Variants in PCDHA1 observed in about 807,000 individuals in gnomAD.
The protein encoded by PCDHA1 is protocadherin alpha-1.
A neutral mutation model predicts 61.3 loss-of-function variants in PCDHA1; 42 were observed. That is an observed-to-expected ratio of 0.69 (90% CI 0.54 to 0.89). The LOEUF (loss-of-function observed/expected upper bound fraction) is 0.89, where lower values mean the gene tolerates loss of function less well. PCDHA1 is among the 40% of genes least tolerant of loss of function. PCDHA1 has a pLI of 0.00. For synonymous variants in PCDHA1, 610 were observed against 553.8 expected, an observed-to-expected ratio of 1.10 and a Z score of -1.43; for missense variants, 1,256 against 1,235.3, an observed-to-expected ratio of 1.02 and a Z score of -0.25.
intron 1 of PCDHA1, chr5:140,850,565 G>A (rs2041680380): frequency 1.3e-6 from 2 of 1,598,414 alleles, no homozygotes; most frequent in East Asian, 4.5e-5. Flanking sequence ...CGGGCCCCGA[G>A]GTGACGCTGG....
At chr5:140,896,089 G>GGATTA (rs2065370419) in intron 1 of PCDHA1, among the ~76,000 whole-genome samples, 1 of 152,010 alleles carries the variant, frequency 6.6e-6, no homozygotes, top group Non-Finnish European at 1.5e-5. Flanking sequence ...GGGATTACAG[G>GGATTA]CGTGAGCCAC....
At position 141,009,757 on chromosome 5, in the gene PCDHA1, A is replaced by G; in HGVS notation, c.2673A>G (p.Pro891=). 6.2e-7 allele frequency: 1 copy of G among 1,614,200 alleles called. No individual in the cohort carries two copies. Among genetic ancestry groups the G allele is most frequent in the Non-Finnish European group, 8.5e-7 (1 of 1,180,036 alleles). Residue 891 remains proline (P), a synonymous_variant, in exon 4 of 4, where the codon CCA becomes CCG. Coordinates refer to ENST00000504120, the MANE Select transcript of PCDHA1 (RefSeq NM_018900.4). ...AGTTGCCCGACAAATTCATTATCCCAGGATCTCCTGCAATCATCTCCATCC... is the reference window on the plus strand; with the variant it reads ...AGTTGCCCGACAAATTCATTATCCCGGGATCTCCTGCAATCATCTCCATCC... ...PGELPDKFII[P]GSPAIISIRQ... is the part of the protein sequence containing the mutation.
intron 3 of PCDHA1, among the ~76,000 whole-genome samples, chr5:141,007,768 A>C (rs1457934171): frequency 2.0e-5 from 3 of 152,212 alleles, no homozygotes; most frequent in Non-Finnish European, 2.9e-5. Context: ...ATTGGCCTGG[A>C]AATGGTACTG....
chr5:140,860,136 T>C (rs2150487566), intron 1 of PCDHA1: 1 of 150,532 alleles, frequency 6.6e-6, no homozygotes, highest in East Asian at 2.0e-4. Context: ...TGTGTGTGTA[T>C]ATATATGTAT....
intron 3 of PCDHA1, among the ~76,000 whole-genome samples, chr5:140,993,460 T>TCA (rs1554253699): frequency 1.6e-3 from 169 of 104,560 alleles, no homozygotes; most frequent in African/African-American, 3.8e-3. Flanking sequence ...CTTCTTTCTT[T>TCA]CTCACACACA....
chr5:140,858,371 C>G, intron 1 of PCDHA1: 1 of 1,588,766 alleles, frequency 6.3e-7, no homozygotes, highest in Non-Finnish European at 8.6e-7. Context: ...CCCCAGCCTT[C>G]CACCATGCCC....
intron 1 of PCDHA1, chr5:140,863,708 A>G: frequency 3.5e-6 from 1 of 284,690 alleles, no homozygotes; most frequent in Non-Finnish European, 6.9e-6. Flanking sequence ...TTTAAAGTAC[A>G]CTGGGGCCGG....
chr5:141,006,568 T>C (rs2098278532), intron 3 of PCDHA1, among the ~76,000 whole-genome samples: 1 of 152,110 alleles, frequency 6.6e-6, no homozygotes, highest in Non-Finnish European at 1.5e-5. Flanking sequence ...CTCTGGCTAC[T>C]GTGTGGAGGG....
At chr5:140,810,794 C>T (rs547494894) in intron 1 of PCDHA1, 1 of 152,032 alleles carries the variant, frequency 6.6e-6, no homozygotes, top group Admixed American at 6.5e-5. Context: ...AACCTCATGG[C>T]TAGTTTTTAA....
chr5:140,998,438 A>T (rs114296649), intron 3 of PCDHA1, among the ~76,000 whole-genome samples: 1,585 of 152,188 alleles, frequency 0.01, 12 homozygotes, highest in Middle Eastern at 0.058. Flanking sequence ...TAACACTATT[A>T]TTGTATTTAT....
intron 1 of PCDHA1, chr5:140,850,613 G>T: frequency 6.3e-7 from 1 of 1,598,580 alleles, no homozygotes; most frequent in South Asian, 1.1e-5. Flanking sequence ...CCATCTGCGC[G>T]GTGTCTAGCC....
chr5:140,856,559 C>G lies in PCDHA1; in HGVS notation c.2394+67875C>G, dbSNP rs782226001. On this transcript the variant is annotated intron_variant, in intron 1 of 3. Coordinates refer to ENST00000504120, the MANE Select transcript of PCDHA1 (RefSeq NM_018900.4). ...AGAGAACGCATTGCTTACTTACAAACTCAGTCCAAATGAGTATTTTGTTCT... is the reference window on the plus strand; with the variant it reads ...AGAGAACGCATTGCTTACTTACAAAGTCAGTCCAAATGAGTATTTTGTTCT... 6 of 1,597,988 alleles carry G rather than the reference C, an allele frequency of 3.8e-6. No homozygotes were observed. In the Middle Eastern group the frequency reaches 5.0e-4, roughly 133 times the overall value.
intron 1 of PCDHA1, among the ~76,000 whole-genome samples, chr5:140,939,994 G>A (rs2092519687): frequency 6.6e-6 from 1 of 151,998 alleles, no homozygotes; most frequent in African/African-American, 2.4e-5. Flanking sequence ...TTTCTCCTTG[G>A]ATTTTGTCAA....
chr5:140,919,509 A>G (rs897648504), intron 1 of PCDHA1, among the ~76,000 whole-genome samples: 1 of 152,052 alleles, frequency 6.6e-6, no homozygotes, highest in Non-Finnish European at 1.5e-5. Context: ...CTTTTTCTAT[A>G]TGTTTTAATT....
At chr5:140,926,143 C>A (rs2082940711) in intron 1 of PCDHA1, among the ~76,000 whole-genome samples, 1 of 152,068 alleles carries the variant, frequency 6.6e-6, no homozygotes, top group African/African-American at 2.4e-5. Context: ...CAGGATCCAG[C>A]GCGGAAAGCT....
intron 1 of PCDHA1, chr5:140,808,497 C>G: frequency 6.2e-7 from 1 of 1,614,154 alleles, no homozygotes; most frequent in African/African-American, 1.3e-5. Flanking sequence ...TCGCTGTGGG[C>G]CACGGCCAGT....
intron 1 of PCDHA1, among the ~76,000 whole-genome samples, chr5:140,975,967 A>C (rs2096692306): frequency 6.6e-6 from 1 of 152,176 alleles, no homozygotes; most frequent in African/African-American, 2.4e-5. Context: ...TCACCAATAG[A>C]AAGTAAGCAT....
intron 1 of PCDHA1, chr5:140,877,279 T>G (rs782432213): frequency 1.2e-6 from 2 of 1,613,820 alleles, no homozygotes; most frequent in Non-Finnish European, 1.7e-6. Flanking sequence ...TGACTCCGGC[T>G]ATAACGCTTG....
chr5:140,857,755 T>G (rs1427129030), intron 1 of PCDHA1: 1 of 1,597,184 alleles, frequency 6.3e-7, no homozygotes, highest in Non-Finnish European at 8.6e-7. Flanking sequence ...CGTCTCCCGC[T>G]GGCAGCGCGG....
Sources: allele counts gnomAD v4.1 joint callset (sites outside exome capture counted in the v4.1 genomes callset), GRCh38; gene constraint gnomAD v4.1.1; transcripts MANE v1.5; gene names NCBI Gene and HGNC (gene_info 2026-07-23, HGNC 2026-07-21).